SPOP: variants seen among roughly 807,000 people sequenced by gnomAD.
The protein encoded by SPOP is speckle-type POZ protein.
Under a neutral mutation model 45.6 loss-of-function variants are expected in SPOP, and 11 were observed. The ratio of observed to expected loss-of-function variants is 0.24; its 90% CI spans 0.15 to 0.40. The LOEUF is 0.40. Ranked by LOEUF, SPOP falls within the 10% of genes least tolerant of loss-of-function variation. The pLI, the probability that SPOP is intolerant of heterozygous loss-of-function variation, is 1.00. For missense variants in SPOP, 152 were observed against 465.6 expected (o/e 0.33, Z 6.20); for synonymous variants, 166 against 166.3 (o/e 1.00, Z 0.01).
intron 1 of SPOP, among the ~76,000 whole-genome samples, chr17:49,666,569 T>C (rs965610357): frequency 6.6e-6 from 1 of 152,082 alleles, no homozygotes; most frequent in African/African-American, 2.4e-5. Flanking sequence ...GGCTCATGTC[T>C]GTAATCCCAG....
chr17:49,673,860 C>A (rs933321847), intron 1 of SPOP, among the ~76,000 whole-genome samples: 1 of 151,656 alleles, frequency 6.6e-6, no homozygotes, highest in African/African-American at 2.4e-5. Context: ...AAGATTACAT[C>A]TTTGGGCCGG....
At chr17:49,654,467 C>T (rs2072881362) in intron 1 of SPOP, among the ~76,000 whole-genome samples, 1 of 152,212 alleles carries the variant, frequency 6.6e-6, no homozygotes, top group Admixed American at 6.5e-5. Flanking sequence ...TAAATTAATT[C>T]ATGGCATCCA....
intron 1 of SPOP, among the ~76,000 whole-genome samples, chr17:49,648,697 C>T (rs1346195253): frequency 1.3e-5 from 2 of 152,192 alleles, no homozygotes; most frequent in African/African-American, 4.8e-5. Context: ...GAAGCAGCTC[C>T]CTGGTCTTTT....
At chr17:49,671,661 GA>G (rs2073137350) in intron 1 of SPOP, among the ~76,000 whole-genome samples, 1 of 152,010 alleles carries the variant, frequency 6.6e-6, no homozygotes, top group African/African-American at 2.4e-5. Flanking sequence ...TCCTTACTCA[GA>G]AAAGTGTTAA....
intron 1 of SPOP, among the ~76,000 whole-genome samples, chr17:49,664,668 G>A (rs911468578): frequency 2.6e-5 from 4 of 152,134 alleles, no homozygotes; most frequent in African/African-American, 9.7e-5. Flanking sequence ...TGCTCTGTTT[G>A]TACCAAAATC....
At chr17:49,610,425 A>C (rs1053305133) in intron 6 of SPOP, among the ~76,000 whole-genome samples, 4 of 152,022 alleles carry the variant, frequency 2.6e-5, no homozygotes, top group South Asian at 2.1e-4. Context: ...CACCATGTTG[A>C]CCAGGCTGGT....
At chr17:49,616,164 T>C (rs1263908193) in intron 5 of SPOP, among the ~76,000 whole-genome samples, 1 of 152,162 alleles carries the variant, frequency 6.6e-6, no homozygotes, top group Non-Finnish European at 1.5e-5. Context: ...CATTCATCAT[T>C]TTCAGAGTCC....
chr17:49,613,881 A>G (rs2072027960), intron 5 of SPOP, among the ~76,000 whole-genome samples: 3 of 152,202 alleles, frequency 2.0e-5, no homozygotes, highest in Admixed American at 2.0e-4. Context: ...GATTTTTTTT[A>G]ATGCCTATAA....
Position 49,628,574 on chromosome 17 carries a change from A to G in SPOP, c.-66-5698T>C, listed in dbSNP as rs568472560. On this transcript the variant is annotated intron_variant, in intron 1 of 9. Transcript: ENST00000504102. The stretch of plus-strand genomic sequence containing the variant: ...ACAGGTTGAGTATCCCTGCTCTGAA[A>G]AGTTCCAAAATCCAAAAGTTTTTGA... 3.9e-4 allele frequency among the ~76,000 whole-genome samples: 60 copies of G among 152,346 alleles called. No homozygotes were observed. In the South Asian group the frequency reaches 6.8e-3, roughly 17 times the overall value.
chr17:49,672,537 G>A (rs139494030), intron 1 of SPOP, among the ~76,000 whole-genome samples: 47 of 152,290 alleles, frequency 3.1e-4, no homozygotes, highest in Non-Finnish European at 1.0e-4. Context: ...AATGTTTAAT[G>A]ATAATCTAAT....
intron 9 of SPOP, chr17:49,601,301 G>C (rs1567766891): frequency 6.6e-6 from 1 of 152,276 alleles, no homozygotes; most frequent in Non-Finnish European, 1.5e-5. Context: ...ATGGGTTGTA[G>C]TTACAACTCA....
intron 1 of SPOP, among the ~76,000 whole-genome samples, chr17:49,677,578 G>A (rs935384084): frequency 6.6e-6 from 1 of 152,164 alleles, no homozygotes; most frequent in Non-Finnish European, 1.5e-5. Flanking sequence ...GCGCCCCCGG[G>A]GCAGCGAAGA....
intron 1 of SPOP, among the ~76,000 whole-genome samples, chr17:49,640,029 C>A (rs2072616459): frequency 6.6e-6 from 1 of 152,140 alleles, no homozygotes; most frequent in African/African-American, 2.4e-5. Flanking sequence ...GAGGGAGGAT[C>A]ACTTGAGATC....
chr17:49,599,980 C>T lies in SPOP; in HGVS notation c.*398G>A. ...AAAATCTTTTCTTCTTTCCTTTTCC[C>T]TTCTGTTAAAACTCAATGTCCTTTC... is the stretch of plus-strand genomic sequence containing the variant. On this transcript the variant is annotated 3_prime_UTR_variant, in exon 10 of 10. Coordinates refer to ENST00000504102, the MANE Select transcript of SPOP (RefSeq NM_001007228.2). The T allele has an allele frequency of 1.7e-5, 4 of 234,652 alleles. No individual in the cohort carries two copies. Among genetic ancestry groups the T allele is most frequent in the Admixed American group, 1.1e-4 (2 of 18,304 alleles). 14.5% of individuals were successfully genotyped at this position (234,652 alleles called of 1,614,324 possible).
At chr17:49,662,604 T>C (rs2073003670) in intron 1 of SPOP, among the ~76,000 whole-genome samples, 1 of 151,926 alleles carries the variant, frequency 6.6e-6, no homozygotes. Flanking sequence ...GGACAGTCGC[T>C]TGAACCTGGG....
At chr17:49,669,763 C>CA (rs3034924) in intron 1 of SPOP, among the ~76,000 whole-genome samples, 82,032 of 103,246 alleles carry the variant, frequency 0.79, 33,051 homozygotes, top group East Asian at 0.87. Context: ...GACTCTGCCT[C>CA]AAAAAAAAAA....
intron 1 of SPOP, among the ~76,000 whole-genome samples, chr17:49,655,386 C>T (rs1424287704): frequency 1.3e-5 from 2 of 152,080 alleles, no homozygotes; most frequent in East Asian, 1.9e-4. Flanking sequence ...TGGCGGGCAC[C>T]TGTAGTCCCA....
At position 49,600,307 on chromosome 17, in the gene SPOP, C is replaced by G; in HGVS notation, c.*71G>C. 2.5e-6 allele frequency: 4 copies of G among 1,597,056 alleles called. No homozygotes were observed. Among genetic ancestry groups the G allele is most frequent in the Non-Finnish European group, 3.4e-6 (4 of 1,167,538 alleles). On this transcript the variant is annotated 3_prime_UTR_variant, in exon 10 of 10. Transcript: ENST00000504102. This position sits in a 1 kb window ranked among gnomAD's most constrained non-coding sequence, Gnocchi z 4.2. ...AAGCTCCACAGATTGCGCTGTCTAC[C>G]TGGTGGTCAGTGGCAGCAACAGTGG...
intron 1 of SPOP, chr17:49,636,172 A>AT (rs1449956733): frequency 2.0e-5 from 3 of 151,772 alleles, no homozygotes; most frequent in South Asian, 2.1e-4. Flanking sequence ...TAATTTTTGT[A>AT]TTTTTTATAG....
Sources: gnomAD v4.1 joint callset for allele counts (sites outside exome capture counted in the v4.1 genomes callset) on GRCh38, gnomAD v4.1.1 for gene constraint, Gnocchi (gnomAD v3.1) non-coding constraint, MANE v1.5 for transcripts, NCBI Gene and HGNC (gene_info 2026-07-23, HGNC 2026-07-21) for gene names.